The following AP2S1 variants were observed in gnomAD, a reference collection of about 807,000 sequenced individuals.
The protein encoded by AP2S1 is AP-2 complex subunit sigma.
In AP2S1, 6 loss-of-function variants were observed where a neutral mutation model predicts 21.0. The ratio of observed to expected loss-of-function variants is 0.29; its 90% confidence interval spans 0.16 to 0.56. AP2S1 has a LOEUF of 0.56. Among genes scored for constraint, AP2S1 ranks in the 20% least tolerant of loss-of-function variants. The pLI, the probability that AP2S1 is intolerant of heterozygous loss-of-function variation, is 0.92. For missense variants in AP2S1, 60 were observed against 186.2 expected (o/e 0.32, Z 3.95); for synonymous variants, 63 against 74.6 (o/e 0.84, Z 0.80).
At chr19:46,848,402 A>G (rs1220789849) in intron 1 of AP2S1, among the ~76,000 whole-genome samples, 1 of 152,164 alleles carries the variant, frequency 6.6e-6, no homozygotes, top group Non-Finnish European at 1.5e-5. Flanking sequence ...ACAAAAACAT[A>G]GAGGTATAGT....
At chr19:46,849,431 TC>T (rs2055696150) in intron 1 of AP2S1, among the ~76,000 whole-genome samples, 1 of 151,808 alleles carries the variant, frequency 6.6e-6, no homozygotes, top group Admixed American at 6.6e-5. Flanking sequence ...GAAAACCACT[TC>T]CTAGCAGGGC....
In AP2S1 at chr19:46,838,404, C is replaced by T. The variant is rs1343651695; in HGVS notation, c.*43G>A. ...GGCCTGGGAAGGGGAAGCGAGCAGG[C>T]GAGTCCAGGAGGGGCCGGGGCCGGG... On this transcript the variant is annotated 3_prime_UTR_variant, in exon 5 of 5. Coordinates refer to ENST00000263270, the MANE Select transcript of AP2S1 (RefSeq NM_004069.6). This position sits in a 1 kb window ranked among gnomAD's most constrained non-coding sequence, Gnocchi z 4.1. The T allele has an allele frequency of 8.8e-6, 14 of 1,593,258 alleles. No individual in the cohort carries two copies. Among genetic ancestry groups the T allele is most frequent in the Middle Eastern group, 1.7e-4 (1 of 6,044 alleles).
intron 1 of AP2S1, among the ~76,000 whole-genome samples, chr19:46,847,404 GAC>G (rs901131160): frequency 6.6e-6 from 1 of 152,016 alleles, no homozygotes; most frequent in Non-Finnish European, 1.5e-5. Context: ...TTTTAGTAGA[GAC>G]AGTGTTTCAC....
At chr19:46,847,240 T>A (rs1171221327) in intron 1 of AP2S1, among the ~76,000 whole-genome samples, 1 of 151,972 alleles carries the variant, frequency 6.6e-6, no homozygotes, top group Non-Finnish European at 1.5e-5. Context: ...CACCACTTTT[T>A]TTTTTTTTTT....
intron 2 of AP2S1, among the ~76,000 whole-genome samples, chr19:46,842,501 G>A (rs2055540814): frequency 6.6e-6 from 1 of 152,164 alleles, no homozygotes; most frequent in Non-Finnish European, 1.5e-5. Context: ...AGGAACAACT[G>A]AATGAATGGG....
chr19:46,848,193 A>AC (rs1368505169), intron 1 of AP2S1, among the ~76,000 whole-genome samples: 3 of 151,928 alleles, frequency 2.0e-5, no homozygotes, highest in Non-Finnish European at 4.4e-5. Context: ...ACATGGTGAA[A>AC]CCCCATCTGT....
rs2055725908 is a variant in AP2S1, at chr19:46,850,789, G to A, written c.-23C>T. On this transcript the variant is annotated 5_prime_UTR_variant, in exon 1 of 5. Coordinates refer to ENST00000263270, the MANE Select transcript of AP2S1 (RefSeq NM_004069.6). Reference sequence around the variant, plus strand: ...CATGGCGACCCCCGTCCAGACCCCAGCGGCCCCGGTCCCGCGGCGACTGGG... The same window carrying A: ...CATGGCGACCCCCGTCCAGACCCCAACGGCCCCGGTCCCGCGGCGACTGGG... 3.2e-6 allele frequency: 5 copies of A among 1,567,984 alleles called. No individual in the cohort carries two copies. In the East Asian group the frequency reaches 9.7e-5, roughly 30 times the overall value.
intron 2 of AP2S1, among the ~76,000 whole-genome samples, chr19:46,842,834 C>T (rs2055548809): frequency 6.6e-6 from 1 of 152,086 alleles, no homozygotes; most frequent in South Asian, 2.1e-4. Context: ...CTTGGTTCTC[C>T]TCTCCCTCAT....
intron 1 of AP2S1, among the ~76,000 whole-genome samples, chr19:46,849,373 C>T (rs1248989160): frequency 6.9e-6 from 1 of 144,606 alleles, no homozygotes; most frequent in East Asian, 1.9e-4. Flanking sequence ...CAAACTGGAC[C>T]GGAACAGGAT....
intron 1 of AP2S1, 128 bp downstream of exon 1, chr19:46,850,636 C>A (rs755655665): frequency 2.2e-6 from 2 of 917,480 alleles, no homozygotes; most frequent in Non-Finnish European, 3.4e-6. Flanking sequence ...CGGTCCCAAT[C>A]CCCAGAGCCC....
intron 1 of AP2S1, among the ~76,000 whole-genome samples, chr19:46,846,715 G>T (rs1351906657): frequency 6.6e-6 from 1 of 152,118 alleles, no homozygotes; most frequent in Non-Finnish European, 1.5e-5. Context: ...ACCCAGGCTG[G>T]AGTGCGATGG....
intron 2 of AP2S1, chr19:46,845,684 CA>C (rs200666819): frequency 2.1e-4 from 45 of 212,718 alleles, no homozygotes; most frequent in East Asian, 4.1e-4. Context: ...TAATCGTAGG[CA>C]AAAAAAATTA....
chr19:46,846,070 C>T lies in AP2S1; in HGVS notation c.76G>A (p.Asp26Asn). 2 of 1,614,134 alleles carry T rather than the reference C, an allele frequency of 1.2e-6. No individual in the cohort carries two copies. The highest frequency in any genetic ancestry group is 8.5e-7 in the Non-Finnish European group (1 of 1,180,028). Residue 26 changes from aspartate (D) to asparagine (N), a missense_variant, in exon 2 of 5, where the codon GAT becomes AAT. Asp to Asn is a conservative substitution (Grantham distance 23). Transcript: ENST00000263270. ...TCCTCGATCAGCTTCTGTTTCTCAT[C>T]ATCATCAAACTGCATGTACCACTTG... The part of the protein sequence containing the change: ...LAKWYMQFDD[D>N]EKQKLIEEVH...
At chr19:46,839,744 TG>T in intron 2 of AP2S1, 166 bp from the exon 3 acceptor site, 1 of 1,165,638 alleles carries the variant, frequency 8.6e-7, no homozygotes, top group Non-Finnish European at 1.2e-6. Flanking sequence ...GCCCTAACCC[TG>T]CTCACAGTGC....
intron 2 of AP2S1, among the ~76,000 whole-genome samples, chr19:46,842,320 C>T (rs2055537886): frequency 6.6e-6 from 1 of 152,140 alleles, no homozygotes; most frequent in Non-Finnish European, 1.5e-5. Flanking sequence ...CAGCCAGGCT[C>T]CTCGATCCCA....
At chr19:46,846,254 C>T in intron 1 of AP2S1, 112 bp from the exon 2 acceptor site, 1 of 1,350,398 alleles carries the variant, frequency 7.4e-7, no homozygotes, top group Non-Finnish European at 1.0e-6. Context: ...TCAGGGCCTC[C>T]CTGCTGCCTG....
In AP2S1 at chr19:46,838,380, G is replaced by T; in HGVS notation, c.*67C>A. 6 of 1,521,466 alleles carry T rather than the reference G, an allele frequency of 3.9e-6. No individual in the cohort carries two copies. The highest frequency in any genetic ancestry group is 5.5e-6 in the Non-Finnish European group (6 of 1,099,664). 94.2% of individuals were successfully genotyped at this position (1,521,466 alleles called of 1,614,324 possible). On this transcript the variant is annotated 3_prime_UTR_variant, in exon 5 of 5. Transcript: ENST00000263270. This position sits in a 1 kb window ranked among gnomAD's most constrained non-coding sequence, Gnocchi z 4.1. ...GGAAGGACTGCTGGGTTGGCCACGG[G>T]CCTGGGAAGGGGAAGCGAGCAGGCG...
intron 1 of AP2S1, among the ~76,000 whole-genome samples, chr19:46,846,445 T>G (rs1429937444): frequency 3.5e-5 from 5 of 143,650 alleles, no homozygotes; most frequent in African/African-American, 1.0e-4. Flanking sequence ...CTCTCTGTTT[T>G]TTTTTTTTTT....
At position 46,838,912 on chromosome 19, in the gene AP2S1, G is replaced by A. The variant is rs1425508794; in HGVS notation, c.268-113C>T. 9 of 896,534 alleles carry A rather than the reference G, an allele frequency of 1.0e-5. No homozygotes were observed. The highest frequency in any genetic ancestry group is 1.6e-5 in the Non-Finnish European group (9 of 560,606). The allele number at this position is 896,534 out of a possible 1,614,324, so 55.5% of individuals were successfully genotyped here. A position where few individuals can be genotyped will look rare whatever the true frequency, so the allele number is the denominator to read the frequency against. On this transcript the variant is annotated intron_variant, in intron 3 of 4. Transcript: ENST00000263270. The surrounding 1 kb of genome is among the most constrained non-coding windows in gnomAD (Gnocchi z 4.1). Reference sequence around the variant, plus strand: ...CAGCAAAAAAAGAGACCAAGGGGGAGGCAGGGGAGAGAGAGAGACAGTGAC... The same window carrying A: ...CAGCAAAAAAAGAGACCAAGGGGGAAGCAGGGGAGAGAGAGAGACAGTGAC...
Sources: gnomAD v4.1 joint callset for allele counts (sites outside exome capture counted in the v4.1 genomes callset) on GRCh38, gnomAD v4.1.1 for gene constraint, Gnocchi (gnomAD v3.1) non-coding constraint, MANE v1.5 for transcripts, NCBI Gene and HGNC (gene_info 2026-07-23, HGNC 2026-07-21) for gene names.